The following NAV1 variants were observed in gnomAD, a reference collection of about 807,000 sequenced individuals.
NAV1 encodes the protein pore membrane and/or filament interacting like protein 3.
Under a neutral mutation model 175.2 loss-of-function variants are expected in NAV1, and 18 were observed. The observed-to-expected ratio is 0.10, with a 90% CI of 0.07 to 0.15. The LOEUF is 0.15. NAV1 is among the 10% of genes least tolerant of loss of function. The probability of loss-of-function intolerance (pLI) is 1.00; values close to 1 mark genes in which losing one functional copy is unlikely to be tolerated. For synonymous variants in NAV1, 897 were observed against 978.7 expected, an observed-to-expected ratio of 0.92 and a Z score of 1.56; for missense variants, 1,731 against 2,436.6, an observed-to-expected ratio of 0.71 and a Z score of 6.10.
At chr1:201,763,935 C>T (rs796691185) in intron 3 of NAV1, among the ~76,000 whole-genome samples, 18 of 152,318 alleles carry the variant, frequency 1.2e-4, no homozygotes, top group African/African-American at 4.3e-4. Context: ...CTGATTTCAT[C>T]ACAGAAAGAT....
chr1:201,713,016 C>G, intron 2 of NAV1, 97 bp downstream of exon 6: 1 of 797,394 alleles, frequency 1.3e-6, no homozygotes, highest in East Asian at 2.5e-5. Context: ...ACACCTCTGC[C>G]AGGTCAGCCA....
rs12047672 is a variant in NAV1 at position 201,609,154 on chromosome 1, G to C, written c.-32-13699G>C. On this transcript the variant is annotated intron_variant, in intron 2 of 33. Transcript: ENST00000685211. ...TGGGCTGCATGTGACTGCTGGGCCT[G>C]CTGCCAGACCCTAGCTCAAGTTTCT... 2.8e-4 allele frequency among the ~76,000 whole-genome samples: 42 copies of C among 152,338 alleles called. No individual in the cohort carries two copies. The East Asian group carries it at 8.1e-3, about 29-fold the overall frequency.
exon 30 of NAV1, chr1:201,824,168 CT>C (rs541205810): frequency 1.1e-3 from 175 of 152,288 alleles, no homozygotes; most frequent in African/African-American, 3.8e-3. Flanking sequence ...CCTCATCATA[CT>C]TTATTTTTGC....
intron 3 of NAV1, among the ~76,000 whole-genome samples, chr1:201,745,633 G>GTCAGTAAGTAGTGGAGCAGAAAT: frequency 6.6e-6 from 1 of 152,306 alleles, no homozygotes; most frequent in East Asian, 1.9e-4. Flanking sequence ...TCCTAAGTCA[G>GTCAGTAAGTAGTGGAGCAGAAAT]TCAGTAAGTA....
chr1:201,599,641 C>T (rs1402711753), intron 2 of NAV1, among the ~76,000 whole-genome samples: 1 of 152,190 alleles, frequency 6.6e-6, no homozygotes, highest in African/African-American at 2.4e-5. Flanking sequence ...ATGAATTTTG[C>T]GTCTGTCATG....
intron 1 of NAV1, among the ~76,000 whole-genome samples, chr1:201,549,391 T>G (rs113072109): frequency 0.011 from 1,728 of 152,110 alleles, 17 homozygotes; most frequent in Middle Eastern, 0.024. Flanking sequence ...GCATTTTTTG[T>G]AGCGAGGGGG....
chr1:201,688,015 C>A (rs1187346689), intron 1 of NAV1, among the ~76,000 whole-genome samples: 1 of 152,238 alleles, frequency 6.6e-6, no homozygotes, highest in African/African-American at 2.4e-5. Flanking sequence ...ATGAAAGTGA[C>A]AATGCAGATG....
chr1:201,645,226 A>G (rs1668936889), upstream of NAV1, among the ~76,000 whole-genome samples: 2 of 152,108 alleles, frequency 1.3e-5, no homozygotes, highest in Non-Finnish European at 2.9e-5. Context: ...CAGCCATAAA[A>G]AATGATGAGT....
At chr1:201,820,698 G>T (rs578006484) in exon 30 of NAV1, 1 of 152,196 alleles carries the variant, frequency 6.6e-6, no homozygotes, top group Non-Finnish European at 1.5e-5. Flanking sequence ...TACCAGCTCT[G>T]TCTTTCTACC....
chr1:201,774,495 A>G (rs996492842), intron 3 of NAV1, among the ~76,000 whole-genome samples: 1 of 152,160 alleles, frequency 6.6e-6, no homozygotes, highest in African/African-American at 2.4e-5. Context: ...TGAGTCTTCA[A>G]AAAAAATCAT....
chr1:201,647,947 A>G (rs1669030041), upstream of NAV1, among the ~76,000 whole-genome samples: 1 of 151,818 alleles, frequency 6.6e-6, no homozygotes. Context: ...CGAGAATCCA[A>G]GAACCCGCCC....
At chr1:201,591,774 C>A (rs543700715) in intron 2 of NAV1, among the ~76,000 whole-genome samples, 2 of 152,040 alleles carry the variant, frequency 1.3e-5, no homozygotes, top group Admixed American at 1.3e-4. Flanking sequence ...TCTGTGCCCC[C>A]CAAGAGGTCT....
At position 201,682,526 on chromosome 1, in the gene NAV1, C is replaced by G. The variant is rs114287309; in HGVS notation, c.758-30291C>G. Among the ~76,000 whole-genome samples, 937 of 152,258 alleles carry G rather than the reference C, an allele frequency of 6.2e-3. 9 individuals carry two copies. Among genetic ancestry groups the G allele is most frequent in the African/African-American group, 0.019 (800 of 41,538 alleles). ...CTCATTATCTTATTTTCTTTAGCAT[C>G]TACTACATATTGTAGTTCTCCTTGG... On this transcript the variant is annotated intron_variant, in intron 1 of 29. Transcript: ENST00000367296.
chr1:201,725,493 C>T (rs1016178246), intron 3 of NAV1, among the ~76,000 whole-genome samples: 1 of 152,164 alleles, frequency 6.6e-6, no homozygotes, highest in East Asian at 1.9e-4. Flanking sequence ...AAGTGATACC[C>T]TGGGCATGGC....
chr1:201,811,594 T>C lies in NAV1; in HGVS notation c.4798-9T>C. On this transcript the variant is annotated splice_polypyrimidine_tract_variant and intron_variant, in intron 24 of 29. Coordinates refer to ENST00000367296, the Ensembl canonical transcript of NAV1. ...CCAAGTGCTGACCCACAGCCTTCTT[T>C]TATTCCAGGATCTGCAACTGTATCT... The C allele has an allele frequency of 6.2e-7, 1 of 1,614,084 alleles. No homozygotes were observed. The highest frequency in any genetic ancestry group is 8.5e-7 in the Non-Finnish European group (1 of 1,179,998).
chr1:201,786,339 C>A (rs1676745602), intron 8 of NAV1, 90 bp from the exon 13 acceptor site: 8 of 1,323,316 alleles, frequency 6.0e-6, no homozygotes, highest in Non-Finnish European at 8.4e-6. Flanking sequence ...AATCTCCTGG[C>A]TCCAGCCTAG....
rs533852625 is a variant in NAV1 at position 201,693,661 on chromosome 1, C to T, written c.758-19156C>T. Reference sequence around the variant, plus strand: ...TGGAGGAGGTATGACTGGAATTGGGCATTGAGGGCTGGGGAGAAGTGCCCC... The same window carrying T: ...TGGAGGAGGTATGACTGGAATTGGGTATTGAGGGCTGGGGAGAAGTGCCCC... On this transcript the variant is annotated intron_variant, in intron 1 of 29. Coordinates refer to ENST00000367296, the Ensembl canonical transcript of NAV1. Among the ~76,000 whole-genome samples, 232 of 152,066 alleles carry T rather than the reference C, an allele frequency of 1.5e-3. 2 individuals carry two copies. The highest frequency in any genetic ancestry group is 5.4e-3 in the African/African-American group (225 of 41,466).
chr1:201,687,249 T>C (rs1159758979), intron 1 of NAV1, among the ~76,000 whole-genome samples: 4 of 152,166 alleles, frequency 2.6e-5, no homozygotes, highest in African/African-American at 7.2e-5. Context: ...GCTTTTTTTT[T>C]CCCCCAGGGG....
At chr1:201,661,012 A>G (rs1188715154) in intron 1 of NAV1, among the ~76,000 whole-genome samples, 2 of 152,218 alleles carry the variant, frequency 1.3e-5, no homozygotes, top group African/African-American at 4.8e-5. Context: ...TGACACTGTT[A>G]TATAAGATTT....
Sources: allele counts gnomAD v4.1 joint callset (sites outside exome capture counted in the v4.1 genomes callset), GRCh38; gene constraint gnomAD v4.1.1; transcripts MANE v1.5; gene names NCBI Gene and HGNC (gene_info 2026-07-23, HGNC 2026-07-21).